Variants in RARA observed in about 807,000 individuals in gnomAD.
RARA encodes the protein retinoic acid receptor alpha, also known as PML-DDX5-RARA fusion.
Under a neutral mutation model 42.8 loss-of-function variants are expected in RARA, and 5 were observed. The observed-to-expected ratio is 0.12, with a 90% CI of 0.06 to 0.25. The LOEUF (loss-of-function observed/expected upper bound fraction) is 0.25, where lower values mean the gene tolerates loss of function less well. Ranked by LOEUF, RARA falls within the 10% of genes least tolerant of loss-of-function variation. The pLI is 1.00. For missense variants in RARA, 402 were observed against 628.7 expected (o/e 0.64, Z 3.86); for synonymous variants, 256 against 259.5 (o/e 0.99, Z 0.13).
Position 40,356,450 on chromosome 17 carries a change from C to G in RARA, c.*224C>G. ...CACAGCCTGGGCTGACGTCAGAGGCCGAGGCCAGGAACTGAGTGAGGCCCC... is the reference window on the plus strand; with the variant it reads ...CACAGCCTGGGCTGACGTCAGAGGCGGAGGCCAGGAACTGAGTGAGGCCCC... On this transcript the variant is annotated 3_prime_UTR_variant, in exon 9 of 9. Transcript: ENST00000254066. The G allele has an allele frequency of 1.4e-6, 1 of 709,580 alleles. No individual in the cohort carries two copies. Among genetic ancestry groups the G allele is most frequent in the South Asian group, 1.5e-5 (1 of 66,758 alleles). 44.0% of individuals were successfully genotyped at this position (709,580 alleles called of 1,614,324 possible).
intron 1 of RARA, among the ~76,000 whole-genome samples, chr17:40,322,410 C>CT (rs781620943): frequency 5.3e-5 from 8 of 152,006 alleles, no homozygotes; most frequent in Non-Finnish European, 1.0e-4. Context: ...CACGCCGGGG[C>CT]TGGGTCCTCT....
rs1316006313 is a variant in RARA, at chr17:40,351,977, G to A, written c.537G>A (p.Thr179=). 1.2e-6 allele frequency: 2 copies of A among 1,607,862 alleles called. No homozygotes were observed. The highest frequency in any genetic ancestry group is 1.1e-5 in the South Asian group (1 of 90,520). The stretch of plus-strand genomic sequence containing the variant: ...AGCCCGAGTGCTCTGAGAGCTACAC[G>A]CTGACGCCGGAGGTGGGGGAGCTCA... The part of the protein sequence containing the change: ...VPKPECSESY[T]LTPEVGELIE... The change falls in exon 5 of 9, where the codon ACG becomes ACA. Residue 179 remains threonine (T), a synonymous_variant. Transcript: ENST00000254066. The surrounding 1 kb of genome is among the most constrained non-coding windows in gnomAD (Gnocchi z 4.1).
At chr17:40,316,450 C>A (rs1303329382) in intron 1 of RARA, among the ~76,000 whole-genome samples, 1 of 152,264 alleles carries the variant, frequency 6.6e-6, no homozygotes. Context: ...ACCAGGATGC[C>A]TGACCCTATG....
At chr17:40,317,474 C>T (rs941417828) in intron 1 of RARA, among the ~76,000 whole-genome samples, 16 of 152,238 alleles carry the variant, frequency 1.1e-4, no homozygotes, top group African/African-American at 3.9e-4. Flanking sequence ...CTGGCTTCTC[C>T]AGACTTGTTC....
intron 1 of RARA, among the ~76,000 whole-genome samples, chr17:40,321,219 A>T (rs964183423): frequency 2.0e-5 from 3 of 150,980 alleles, no homozygotes; most frequent in Non-Finnish European, 4.4e-5. Flanking sequence ...GTGGGGACCT[A>T]GTGTGAGAAT....
chr17:40,312,610 G>T (rs1044202975), intron 1 of RARA, among the ~76,000 whole-genome samples: 28 of 152,234 alleles, frequency 1.8e-4, no homozygotes, highest in African/African-American at 6.8e-4. Flanking sequence ...GGCCAGAGGG[G>T]CAGAAGACAG....
chr17:40,353,615 C>T (rs1048939705), intron 6 of RARA, among the ~76,000 whole-genome samples: 2 of 152,150 alleles, frequency 1.3e-5, no homozygotes, highest in South Asian at 4.1e-4. Context: ...CGCCACCACA[C>T]CCGGCTAATT....
intron 2 of RARA, chr17:40,341,318 G>T (rs1370442462): frequency 7.2e-7 from 1 of 1,389,240 alleles, no homozygotes; most frequent in Non-Finnish European, 9.4e-7. Context: ...TGGGGAGGAG[G>T]GCCCCCTCTG....
chr17:40,327,568 C>G (rs2143248555), intron 1 of RARA, among the ~76,000 whole-genome samples: 2 of 152,306 alleles, frequency 1.3e-5, no homozygotes, highest in Middle Eastern at 6.8e-3. Flanking sequence ...CTTTGGGGAG[C>G]TGTGTACTGG....
chr17:40,313,048 G>C (rs1452644310), intron 1 of RARA, among the ~76,000 whole-genome samples: 2 of 152,206 alleles, frequency 1.3e-5, no homozygotes, highest in Admixed American at 1.3e-4. Flanking sequence ...TGTGGAAAGA[G>C]TCTGTGTCCA....
intron 1 of RARA, chr17:40,318,463 G>A (rs929755212): frequency 1.3e-5 from 2 of 152,310 alleles, no homozygotes. Flanking sequence ...TTCCTCCCCT[G>A]GGGATTTTGG....
intron 4 of RARA, among the ~76,000 whole-genome samples, chr17:40,350,984 TTCTCCCTCCCACCGCCAACTCCCCC>T (rs1352496131): frequency 6.6e-6 from 1 of 151,206 alleles, no homozygotes; most frequent in Non-Finnish European, 1.5e-5. Flanking sequence ...CCAACTCCCC[TTCTCCCTCCCACCGCCAACTCCCCC>T]TCTCCCGGCT....
rs78281655 is a variant in RARA at position 40,318,910 on chromosome 17, G to C, written c.-363+9624G>C. ...AGGGGGCCCACTCCCACCAGAGGGA[G>C]CCGGCCGGGGGCCGGGCCGGTTCAG... On this transcript the variant is annotated intron_variant, in intron 1 of 8. Transcript: ENST00000254066. Among the ~76,000 whole-genome samples the C allele has an allele frequency of 0.019, 2,921 of 152,316 alleles. 257 individuals carry two copies. In the East Asian group the frequency reaches 0.27, roughly 14 times the overall value.
In RARA at chr17:40,354,190, C is replaced by A. The variant is rs374595703; in HGVS notation, c.808-112C>A. Reference sequence around the variant, plus strand: ...TAGAAAATTCTATCAGACAGCATTGCTCCGGCCACCTGCCAGGTGGTCCTC... The same window carrying A: ...TAGAAAATTCTATCAGACAGCATTGATCCGGCCACCTGCCAGGTGGTCCTC... On this transcript the variant is annotated intron_variant, in intron 6 of 8. Coordinates refer to ENST00000254066, the MANE Select transcript of RARA (RefSeq NM_000964.4). This position sits in a 1 kb window ranked among gnomAD's most constrained non-coding sequence, Gnocchi z 4.5. 1 of 993,176 alleles carries A rather than the reference C, an allele frequency of 1.0e-6. No individual in the cohort carries two copies. The highest frequency in any genetic ancestry group is 1.5e-6 in the Non-Finnish European group (1 of 657,278). The allele number at this position is 993,176 out of a possible 1,614,324, so 61.5% of individuals were successfully genotyped here. A position where few individuals can be genotyped will look rare whatever the true frequency, so the allele number is the denominator to read the frequency against.
At chr17:40,317,490 A>T (rs1265134639) in intron 1 of RARA, among the ~76,000 whole-genome samples, 1 of 151,708 alleles carries the variant, frequency 6.6e-6, no homozygotes, top group Non-Finnish European at 1.5e-5. Context: ...TGTTCGGGAG[A>T]GAGAAGCTTG....
chr17:40,331,851 C>G (rs1414928919), intron 2 of RARA, among the ~76,000 whole-genome samples: 3 of 152,126 alleles, frequency 2.0e-5, no homozygotes, highest in Non-Finnish European at 2.9e-5. Flanking sequence ...AGGAGCAGAC[C>G]GAGGAAGGCT....
intron 1 of RARA, among the ~76,000 whole-genome samples, chr17:40,315,352 T>C (rs2033190978): frequency 6.6e-6 from 1 of 151,780 alleles, no homozygotes; most frequent in Admixed American, 6.6e-5. Context: ...GGCCTGGGTT[T>C]GAATCCCAGC....
In RARA at chr17:40,356,288, C is replaced by T. The variant is rs1316073084; in HGVS notation, c.*62C>T. The T allele has an allele frequency of 6.7e-6, 10 of 1,494,692 alleles. No homozygotes were observed. The highest frequency in any genetic ancestry group is 4.9e-5 in the East Asian group (2 of 40,682). 92.6% of individuals were successfully genotyped at this position (1,494,692 alleles called of 1,614,324 possible). A position where few individuals can be genotyped will look rare whatever the true frequency, so the allele number is the denominator to read the frequency against. On this transcript the variant is annotated 3_prime_UTR_variant, in exon 9 of 9. Transcript: ENST00000254066. ...CCCCGGCTTTTCTCTGCCTTTCTAC[C>T]GACCATGTGACCCCGCACCAGCCCT...
chr17:40,312,929 C>T (rs1024976676), intron 1 of RARA, among the ~76,000 whole-genome samples: 3 of 152,280 alleles, frequency 2.0e-5, no homozygotes, highest in African/African-American at 7.2e-5. Flanking sequence ...CTTCCCTTCC[C>T]TACTGCAGCA....
Sources: gnomAD v4.1 joint callset for allele counts (sites outside exome capture counted in the v4.1 genomes callset) on GRCh38, gnomAD v4.1.1 for gene constraint, Gnocchi (gnomAD v3.1) non-coding constraint, MANE v1.5 for transcripts, NCBI Gene and HGNC (gene_info 2026-07-23, HGNC 2026-07-21) for gene names.